The following NTM variants were observed in gnomAD, a reference collection of about 807,000 sequenced individuals.
NTM encodes the protein neurotrimin, also known as IgLON family member 2.
Under a neutral mutation model 42.1 loss-of-function variants are expected in NTM, and 13 were observed. The ratio of observed to expected loss-of-function variants is 0.31; its 90% CI spans 0.20 to 0.49. The LOEUF (loss-of-function observed/expected upper bound fraction) is 0.49, where lower values mean the gene tolerates loss of function less well. NTM is among the 20% of genes least tolerant of loss of function. The probability of loss-of-function intolerance (pLI) is 0.99; values close to 1 mark genes in which losing one functional copy is unlikely to be tolerated. For synonymous variants in NTM, 187 were observed against 179.2 expected, an observed-to-expected ratio of 1.04 and a Z score of -0.35; for missense variants, 373 against 452.8, an observed-to-expected ratio of 0.82 and a Z score of 1.60.
chr11:132,284,088 A>G (rs1049847528), intron 4 of NTM, among the ~76,000 whole-genome samples: 5 of 152,082 alleles, frequency 3.3e-5, no homozygotes, highest in African/African-American at 1.2e-4. Context: ...CAGGATCCCT[A>G]GAGGATGATT....
chr11:132,140,602 C>T (rs1384731814), intron 2 of NTM, among the ~76,000 whole-genome samples: 3 of 152,168 alleles, frequency 2.0e-5, no homozygotes, highest in Admixed American at 6.5e-5. Flanking sequence ...TTAGCAGCCT[C>T]AGTAGTGACG....
chr11:131,875,542 A>G (rs1292876187), intron 1 of NTM, among the ~76,000 whole-genome samples: 1 of 152,066 alleles, frequency 6.6e-6, no homozygotes, highest in Non-Finnish European at 1.5e-5. Context: ...GACGAAGAAT[A>G]GAAAGTTAAA....
At chr11:131,672,921 G>A (rs1253028158) in intron 1 of NTM, among the ~76,000 whole-genome samples, 2 of 100,114 alleles carry the variant, frequency 2.0e-5, no homozygotes, top group African/African-American at 8.3e-5. Context: ...GGGTGGGGGT[G>A]GGGTGTGACC....
intron 8 of NTM, 84 bp from the exon 9 acceptor site, chr11:132,334,956 GCAAGGC>G: frequency 6.5e-7 from 1 of 1,549,888 alleles, no homozygotes. Flanking sequence ...CTCACCAGGG[GCAAGGC>G]CAAATGACAG....
At chr11:131,408,548 A>G (rs1946057451) in intron 1 of NTM, among the ~76,000 whole-genome samples, 1 of 152,198 alleles carries the variant, frequency 6.6e-6, no homozygotes. Flanking sequence ...GGCAAAAAGA[A>G]TTGCCACTTT....
intron 2 of NTM, among the ~76,000 whole-genome samples, chr11:131,975,703 C>T (rs985251096): frequency 7.2e-5 from 11 of 152,214 alleles, no homozygotes; most frequent in South Asian, 4.1e-4. Flanking sequence ...CTTTTCTCCA[C>T]GGTTTCCTTC....
intron 4 of NTM, among the ~76,000 whole-genome samples, chr11:132,213,494 A>C (rs968447711): frequency 6.6e-6 from 1 of 152,166 alleles, no homozygotes; most frequent in African/African-American, 2.4e-5. Flanking sequence ...ACCGAGGGCT[A>C]TCCACCAGCA....
chr11:131,743,415 T>C (rs73593028), intron 1 of NTM, among the ~76,000 whole-genome samples: 13,219 of 152,162 alleles, frequency 0.087, 1,930 homozygotes, highest in African/African-American at 0.3. Flanking sequence ...TTTCCAGAAA[T>C]CAGATGTGGT....
intron 2 of NTM, among the ~76,000 whole-genome samples, chr11:132,051,280 C>G (rs536834352): frequency 4.6e-5 from 7 of 152,180 alleles, no homozygotes; most frequent in Non-Finnish European, 8.8e-5. Context: ...TTAGAGTAAC[C>G]CTGTGAAGCA....
At chr11:131,587,542 A>G (rs2058983406) in intron 1 of NTM, among the ~76,000 whole-genome samples, 1 of 152,208 alleles carries the variant, frequency 6.6e-6, no homozygotes. Context: ...ATTAAATACA[A>G]TCCCATTTTA....
intron 3 of NTM, among the ~76,000 whole-genome samples, chr11:132,179,595 G>A (rs2077273304): frequency 6.6e-6 from 1 of 152,212 alleles, no homozygotes; most frequent in South Asian, 2.1e-4. Context: ...GTTATAAGCA[G>A]ATGAGATTTG....
intron 4 of NTM, among the ~76,000 whole-genome samples, chr11:132,222,751 G>T (rs1269428366): frequency 6.6e-6 from 1 of 152,050 alleles, no homozygotes; most frequent in African/African-American, 2.4e-5. Context: ...TCTGCTTACT[G>T]CCCTCACCCC....
Position 131,828,222 on chromosome 11 carries a change from C to T in NTM, c.83-83342C>T, listed in dbSNP as rs188865014. ...ATCACAACCCTGTGCGTAGCAAGTACGTAGTAAATGTCAGCTGTTATTATT... is the reference window on the plus strand; with the variant it reads ...ATCACAACCCTGTGCGTAGCAAGTATGTAGTAAATGTCAGCTGTTATTATT... On this transcript the variant is annotated intron_variant, in intron 1 of 8. Coordinates refer to ENST00000683400, the MANE Select transcript of NTM (RefSeq NM_001352005.2). 8.1e-4 allele frequency among the ~76,000 whole-genome samples: 124 copies of T among 152,218 alleles called. 3 individuals carry two copies. Among genetic ancestry groups the T allele is most frequent in the East Asian group, 6.2e-3 (32 of 5,188 alleles).
At chr11:131,892,182 T>G (rs1383511512) in intron 1 of NTM, among the ~76,000 whole-genome samples, 3 of 152,154 alleles carry the variant, frequency 2.0e-5, no homozygotes, top group Non-Finnish European at 2.9e-5. Flanking sequence ...CTCCTCCGCC[T>G]TCTTCTTCTT....
At chr11:131,662,397 A>G (rs2068235383) in intron 1 of NTM, 1 of 152,228 alleles carries the variant, frequency 6.6e-6, no homozygotes, top group African/African-American at 2.4e-5. Context: ...ACACCTGGGA[A>G]TTCTTCTTGG....
chr11:131,843,735 C>T (rs1328192832), intron 1 of NTM, among the ~76,000 whole-genome samples: 1 of 151,430 alleles, frequency 6.6e-6, no homozygotes, highest in Admixed American at 6.6e-5. Flanking sequence ...ATAATGATAT[C>T]TTATTGTTGT....
At chr11:132,185,869 C>T (rs1029635688) in intron 3 of NTM, among the ~76,000 whole-genome samples, 1 of 152,102 alleles carries the variant, frequency 6.6e-6, no homozygotes, top group Non-Finnish European at 1.5e-5. Flanking sequence ...GATTCTTTAA[C>T]GTTGACCCTG....
At chr11:132,226,111 T>C (rs949630965) in intron 4 of NTM, among the ~76,000 whole-genome samples, 1 of 152,226 alleles carries the variant, frequency 6.6e-6, no homozygotes, top group Non-Finnish European at 1.5e-5. Flanking sequence ...CAGTCTATCA[T>C]TGATGGACAT....
chr11:131,982,576 G>A (rs931270578), intron 2 of NTM, among the ~76,000 whole-genome samples: 3 of 152,094 alleles, frequency 2.0e-5, no homozygotes, highest in Admixed American at 6.5e-5. Context: ...GGTCTGTCCC[G>A]TGTATGTGCC....
Sources: gnomAD v4.1 joint callset for allele counts (sites outside exome capture counted in the v4.1 genomes callset) on GRCh38, gnomAD v4.1.1 for gene constraint, MANE v1.5 for transcripts, NCBI Gene and HGNC (gene_info 2026-07-23, HGNC 2026-07-21) for gene names.